Variants in ULK4 observed in about 807,000 individuals in gnomAD.
ULK4 encodes inactive serine/threonine-protein kinase ULK4.
A neutral mutation model predicts 160.6 loss-of-function variants in ULK4; 133 were observed. That is an observed-to-expected ratio of 0.83 (90% CI 0.72 to 0.96). The LOEUF (loss-of-function observed/expected upper bound fraction) is 0.96. ULK4 is among the 40% of genes least tolerant of loss of function. The pLI is 0.00. For missense variants in ULK4, 1,580 were observed against 1,499.5 expected (o/e 1.05, Z -0.89); for synonymous variants, 534 against 539.8 (o/e 0.99, Z 0.15).
At position 41,771,968 on chromosome 3, in the gene ULK4, A is replaced by T. The variant is rs1049227095; in HGVS notation, c.2194-17480T>A. On this transcript the variant is annotated intron_variant, in intron 21 of 36. Transcript: ENST00000301831. ...GAAGCCTCTGTCCTGCCTCTCCCCA[A>T]TCCCACTACCCTCCGTCTATCCTCA... 4.6e-5 allele frequency among the ~76,000 whole-genome samples: 7 copies of T among 152,034 alleles called. No individual in the cohort carries two copies. The South Asian group carries it at 1.5e-3, about 32-fold the overall frequency.
intron 35 of ULK4, among the ~76,000 whole-genome samples, chr3:41,282,557 C>T (rs1354567580): frequency 6.6e-6 from 1 of 152,182 alleles, no homozygotes; most frequent in Non-Finnish European, 1.5e-5. Flanking sequence ...GGAAAGGATT[C>T]CCTATTTAAT....
intron 35 of ULK4, among the ~76,000 whole-genome samples, 157 bp from the exon 36 acceptor site, chr3:41,249,731 C>T (rs1180934744): frequency 6.6e-6 from 1 of 152,138 alleles, no homozygotes; most frequent in Non-Finnish European, 1.5e-5. Context: ...CCATGCGTAA[C>T]CTCCCCCACA....
At chr3:41,324,015 T>C (rs2080295993) in intron 35 of ULK4, among the ~76,000 whole-genome samples, 1 of 152,222 alleles carries the variant, frequency 6.6e-6, no homozygotes, top group African/African-American at 2.4e-5. Context: ...TAAGGGATTA[T>C]GCCTGTCACT....
Position 41,318,161 on chromosome 3 carries a change from A to G in ULK4, c.3679-68587T>C, listed in dbSNP as rs547916226. On this transcript the variant is annotated intron_variant, in intron 35 of 36. Transcript: ENST00000301831. Reference sequence around the variant, plus strand: ...GTTAAAAAAAAATAAGATAGAAAAAATGACTTTCCTCAGTTCTTCCATTCC... The same window carrying G: ...GTTAAAAAAAAATAAGATAGAAAAAGTGACTTTCCTCAGTTCTTCCATTCC... Among the ~76,000 whole-genome samples the G allele has an allele frequency of 6.6e-5, 10 of 152,312 alleles. No individual in the cohort carries two copies. The South Asian group carries it at 1.4e-3, about 22-fold the overall frequency.
intron 2 of ULK4, among the ~76,000 whole-genome samples, chr3:41,953,652 T>C (rs1258028970): frequency 4.6e-5 from 7 of 152,118 alleles, no homozygotes; most frequent in Non-Finnish European, 1.0e-4. Flanking sequence ...ACCCAAGTCA[T>C]TATCACCCAG....
In ULK4 at chr3:41,808,440, C is replaced by T. The variant is rs766413281; in HGVS notation, c.1849-8147G>A. 5.9e-5 allele frequency among the ~76,000 whole-genome samples: 9 copies of T among 152,318 alleles called. No homozygotes were observed. In the East Asian group the frequency reaches 1.5e-3, roughly 26 times the overall value. Reference sequence around the variant, plus strand: ...GAGGTTGTCAGGCCAATTCAACCTGCTCCTACCTGAAATAAGTGACTCTAG... The same window carrying T: ...GAGGTTGTCAGGCCAATTCAACCTGTTCCTACCTGAAATAAGTGACTCTAG... On this transcript the variant is annotated intron_variant, in intron 19 of 36. Coordinates refer to ENST00000301831, the MANE Select transcript of ULK4 (RefSeq NM_017886.4).
chr3:41,554,153 G>C (rs958726615), intron 32 of ULK4, among the ~76,000 whole-genome samples: 1 of 152,072 alleles, frequency 6.6e-6, no homozygotes, highest in Non-Finnish European at 1.5e-5. Flanking sequence ...AGTACCGTTT[G>C]ATCCAGCAAT....
At chr3:41,770,683 T>C (rs1439544186) in intron 21 of ULK4, among the ~76,000 whole-genome samples, 4 of 151,978 alleles carry the variant, frequency 2.6e-5, no homozygotes, top group Non-Finnish European at 5.9e-5. Context: ...GCTAATTTTT[T>C]TGTATTTTTA....
intron 8 of ULK4, among the ~76,000 whole-genome samples, chr3:41,914,525 A>G (rs1212356463): frequency 2.0e-5 from 3 of 152,224 alleles, no homozygotes; most frequent in Non-Finnish European, 4.4e-5. Context: ...AACTTTTTAA[A>G]TGCTCTTAGC....
chr3:41,490,901 A>G (rs2084732858), intron 32 of ULK4, among the ~76,000 whole-genome samples: 1 of 152,198 alleles, frequency 6.6e-6, no homozygotes, highest in Non-Finnish European at 1.5e-5. Context: ...GCTGACACCA[A>G]TCAGTGCTCA....
chr3:41,758,889 A>G (rs2038893280), intron 21 of ULK4, among the ~76,000 whole-genome samples: 1 of 151,932 alleles, frequency 6.6e-6, no homozygotes, highest in African/African-American at 2.4e-5. Context: ...AAAAAAAAAA[A>G]GGTGTAATTC....
intron 13 of ULK4, among the ~76,000 whole-genome samples, chr3:41,899,568 A>G (rs1199854323): frequency 1.3e-5 from 2 of 152,226 alleles, no homozygotes; most frequent in African/African-American, 4.8e-5. Context: ...GGCCCAACAC[A>G]AATTTGTAAA....
chr3:41,952,029 G>A (rs747449857), intron 2 of ULK4, among the ~76,000 whole-genome samples: 2 of 152,054 alleles, frequency 1.3e-5, no homozygotes, highest in East Asian at 1.9e-4. Flanking sequence ...AGACATTTAC[G>A]GAACACCACA....
At chr3:41,722,030 G>C (rs1283876556) in intron 22 of ULK4, among the ~76,000 whole-genome samples, 1 of 152,190 alleles carries the variant, frequency 6.6e-6, no homozygotes, top group African/African-American at 2.4e-5. Flanking sequence ...TTCAGACAGT[G>C]TGATCTTGTA....
At chr3:41,840,064 A>C (rs1405127502) in intron 17 of ULK4, among the ~76,000 whole-genome samples, 1 of 152,236 alleles carries the variant, frequency 6.6e-6, no homozygotes, top group Non-Finnish European at 1.5e-5. Context: ...TTCTTTATAG[A>C]TATCAAAATT....
chr3:41,884,197 T>C (rs985762891), intron 16 of ULK4, among the ~76,000 whole-genome samples: 2 of 152,166 alleles, frequency 1.3e-5, no homozygotes, highest in African/African-American at 2.4e-5. Flanking sequence ...TTTAAACAAG[T>C]TGTGGTTTAA....
intron 2 of ULK4, among the ~76,000 whole-genome samples, chr3:41,942,869 A>T (rs1355679557): frequency 6.6e-6 from 1 of 152,112 alleles, no homozygotes; most frequent in Non-Finnish European, 1.5e-5. Flanking sequence ...AGTTTTAACC[A>T]ATTATATGTT....
chr3:41,369,450 C>G (rs559785198), intron 35 of ULK4, among the ~76,000 whole-genome samples: 1 of 150,448 alleles, frequency 6.6e-6, no homozygotes, highest in Non-Finnish European at 1.5e-5. Flanking sequence ...GCTGAGATTA[C>G]GCCACTGCAC....
rs375463448 is a variant in ULK4, at chr3:41,398,867, C to T, written c.3493-603G>A. On this transcript the variant is annotated intron_variant, in intron 34 of 36. Coordinates refer to ENST00000301831, the MANE Select transcript of ULK4 (RefSeq NM_017886.4). ...GAGTACAGTGTGAGGTTTCAATACACATATACAATGTGTAATAATCAAATT... is the reference window on the plus strand; with the variant it reads ...GAGTACAGTGTGAGGTTTCAATACATATATACAATGTGTAATAATCAAATT... 2.6e-4 allele frequency among the ~76,000 whole-genome samples: 39 copies of T among 152,158 alleles called. 1 individual carries two copies. In the South Asian group the frequency reaches 7.3e-3, roughly 28 times the overall value.
Sources: allele counts gnomAD v4.1 joint callset (sites outside exome capture counted in the v4.1 genomes callset), GRCh38; gene constraint gnomAD v4.1.1; transcripts MANE v1.5; gene names NCBI Gene and HGNC (gene_info 2026-07-23, HGNC 2026-07-21).